The following CCDC171 variants were observed in gnomAD, a reference collection of about 807,000 sequenced individuals.
The protein encoded by CCDC171 is coiled-coil domain-containing protein 171.
A neutral mutation model predicts 168.2 loss-of-function variants in CCDC171; 177 were observed. That is an observed-to-expected ratio of 1.05 (90% CI 0.93 to 1.19). The LOEUF is 1.19. Ranked by LOEUF, CCDC171 falls within the 50% of genes most tolerant of loss-of-function variation. CCDC171 has a pLI of 0.00. For missense variants in CCDC171, 1,991 were observed against 1,539.0 expected (o/e 1.29, Z -4.91); for synonymous variants, 687 against 540.8 (o/e 1.27, Z -3.75).
At chr9:15,938,218 C>CT (rs1303763859) in intron 25 of CCDC171, among the ~76,000 whole-genome samples, 3 of 151,730 alleles carry the variant, frequency 2.0e-5, no homozygotes, top group Non-Finnish European at 4.4e-5. Flanking sequence ...CTGTTTGGGT[C>CT]TAGACTGGAA....
chr9:16,056,149 T>G (rs1833836519), intron 1 of CCDC171, among the ~76,000 whole-genome samples: 1 of 152,238 alleles, frequency 6.6e-6, no homozygotes. Context: ...GCTAAATTAT[T>G]AATAGTGGTT....
rs114466758 is a variant in CCDC171, at chr9:15,640,750, C to G, written c.823-16377C>G. 6.8e-3 allele frequency among the ~76,000 whole-genome samples: 1,032 copies of G among 152,160 alleles called. 7 individuals carry two copies. Among genetic ancestry groups the G allele is most frequent in the African/African-American group, 0.024 (999 of 41,532 alleles). Reference sequence around the variant, plus strand: ...TTATAGACAGTTCTTAATTATGACCCTTCAATATATGACTCTAGCGATTAA... The same window carrying G: ...TTATAGACAGTTCTTAATTATGACCGTTCAATATATGACTCTAGCGATTAA... On this transcript the variant is annotated intron_variant, in intron 7 of 25. Transcript: ENST00000380701.
At chr9:15,844,454 C>G (rs546594387) in intron 21 of CCDC171, among the ~76,000 whole-genome samples, 14 of 151,972 alleles carry the variant, frequency 9.2e-5, no homozygotes, top group African/African-American at 3.4e-4. Flanking sequence ...CGGTTTATGT[C>G]TTGGTGTTTT....
intron 24 of CCDC171, chr9:15,883,340 A>G (rs1255002826): frequency 6.5e-6 from 1 of 153,190 alleles, no homozygotes; most frequent in Non-Finnish European, 1.5e-5. Flanking sequence ...GATTACCGGC[A>G]TTAGCCACCA....
At chr9:15,670,262 C>CA (rs35598738) in intron 9 of CCDC171, among the ~76,000 whole-genome samples, 13 of 149,986 alleles carry the variant, frequency 8.7e-5, no homozygotes, top group Middle Eastern at 3.4e-3. Flanking sequence ...AAAATAGTAC[C>CA]AAAAAAAAAG....
rs12377788 is a variant in CCDC171, at chr9:16,036,360, C to A, written n.1181+154C>A. 1.4e-4 allele frequency among the ~76,000 whole-genome samples: 22 copies of A among 152,308 alleles called. No individual in the cohort carries two copies. In the East Asian group the frequency reaches 3.1e-3, roughly 21 times the overall value. On this transcript the variant is annotated intron_variant and non_coding_transcript_variant, in intron 8 of 9. Coordinates refer to the CCDC171 transcript ENST00000486641. Reference sequence around the variant, plus strand: ...GCACAGAGAGACAAAAAAGAAATTTCTTGGCCGGGCACGGTGGCTCACGCC... The same window carrying A: ...GCACAGAGAGACAAAAAAGAAATTTATTGGCCGGGCACGGTGGCTCACGCC...
chr9:15,813,815 G>C (rs1337078379), intron 21 of CCDC171, among the ~76,000 whole-genome samples: 1 of 152,138 alleles, frequency 6.6e-6, no homozygotes, highest in Non-Finnish European at 1.5e-5. Context: ...AAATACTGTA[G>C]TTTTGAATAA....
At chr9:15,826,707 G>T (rs1332346178) in intron 21 of CCDC171, among the ~76,000 whole-genome samples, 1 of 152,156 alleles carries the variant, frequency 6.6e-6, no homozygotes, top group Non-Finnish European at 1.5e-5. Flanking sequence ...AGACCTGTGT[G>T]AATGAGCCTT....
intron 21 of CCDC171, among the ~76,000 whole-genome samples, chr9:15,830,433 C>T (rs956386690): frequency 5.3e-5 from 8 of 152,166 alleles, no homozygotes; most frequent in East Asian, 1.9e-4. Flanking sequence ...ATGCTTATTA[C>T]GAGGAAAGCA....
At chr9:16,072,208 G>A in the CCDC171 span, among the ~76,000 whole-genome samples, 1 of 152,194 alleles carries the variant, frequency 6.6e-6, no homozygotes, top group East Asian at 1.9e-4. Flanking sequence ...CACCACCCAA[G>A]ATTTCCAGAC....
At chr9:15,641,103 A>G (rs2046569645) in intron 7 of CCDC171, among the ~76,000 whole-genome samples, 1 of 152,194 alleles carries the variant, frequency 6.6e-6, no homozygotes, top group Admixed American at 6.5e-5. Context: ...ATGGATTATT[A>G]CTATATTTAT....
intron 21 of CCDC171, among the ~76,000 whole-genome samples, chr9:15,802,008 A>G (rs2058850195): frequency 6.6e-6 from 1 of 151,928 alleles, no homozygotes; most frequent in South Asian, 2.1e-4. Flanking sequence ...TGGATTATTG[A>G]ATTTGGTTTG....
intron 8 of CCDC171, among the ~76,000 whole-genome samples, chr9:15,662,779 C>T (rs2048413293): frequency 6.6e-6 from 1 of 152,104 alleles, no homozygotes; most frequent in African/African-American, 2.4e-5. Flanking sequence ...AGTTCGGGAC[C>T]AGCCTGGCCA....
chr9:15,941,087 T>G (rs2132289629), intron 25 of CCDC171, among the ~76,000 whole-genome samples: 1 of 152,098 alleles, frequency 6.6e-6, no homozygotes, highest in African/African-American at 2.4e-5. Flanking sequence ...GGTGTCCCTC[T>G]CAGGGCCTTG....
At position 15,623,475 on chromosome 9, in the gene CCDC171, G is replaced by GCGCGCGCGCGCGCGCGCACACACACA; in HGVS notation, c.822+63_822+64insGCGCGCGCGCGCGCGCACACACACAC. ...CAAACTTTCACATATGCGCGCGCGC[G>GCGCGCGCGCGCGCGCGCACACACACA]CACACACACACACACACACACACAC... On this transcript the variant is annotated intron_variant, in intron 7 of 25. Coordinates refer to ENST00000380701, the MANE Select transcript of CCDC171 (RefSeq NM_173550.4). 291 of 315,412 alleles carry GCGCGCGCGCGCGCGCGCACACACACA rather than the reference G, an allele frequency of 9.2e-4. 2 individuals are homozygous for GCGCGCGCGCGCGCGCGCACACACACA. The highest frequency in any genetic ancestry group is 1.2e-3 in the Non-Finnish European group (200 of 172,612). The allele number at this position is 315,412 out of a possible 1,614,324, so 19.5% of individuals were successfully genotyped here. A position where few individuals can be genotyped will look rare whatever the true frequency, so the allele number is the denominator to read the frequency against.
intron 24 of CCDC171, among the ~76,000 whole-genome samples, chr9:15,917,928 T>A (rs1824760903): frequency 6.6e-6 from 1 of 151,738 alleles, no homozygotes; most frequent in Non-Finnish European, 1.5e-5. Flanking sequence ...TATTTCAGAT[T>A]GTCTCATTTA....
intron 3 of CCDC171, among the ~76,000 whole-genome samples, chr9:15,576,315 C>T (rs1261249321): frequency 6.6e-6 from 1 of 151,708 alleles, no homozygotes; most frequent in African/African-American, 2.4e-5. Flanking sequence ...CCCAAGTAGC[C>T]AGGACTGTAG....
chr9:15,606,795 A>T (rs552531691), intron 6 of CCDC171, among the ~76,000 whole-genome samples: 28 of 152,324 alleles, frequency 1.8e-4, no homozygotes, highest in Non-Finnish European at 4.4e-5. Flanking sequence ...ATTAAATGTC[A>T]GTTCAAAAAC....
chr9:15,990,544 C>T (rs143567080), intron 3 of CCDC171, among the ~76,000 whole-genome samples: 6,754 of 152,214 alleles, frequency 0.044, 498 homozygotes, highest in African/African-American at 0.15. Flanking sequence ...CAGCTAACAT[C>T]ATAATGACAG....
Sources: gnomAD v4.1 joint callset for allele counts (sites outside exome capture counted in the v4.1 genomes callset) on GRCh38, gnomAD v4.1.1 for gene constraint, MANE v1.5 for transcripts, NCBI Gene and HGNC (gene_info 2026-07-23, HGNC 2026-07-21) for gene names.